The following USP34 variants were observed in gnomAD, a reference collection of about 807,000 sequenced individuals.
The protein encoded by USP34 is ubiquitin carboxyl-terminal hydrolase 34.
In USP34, 70 loss-of-function variants were observed where a neutral mutation model predicts 460.3. The observed-to-expected ratio is 0.15, with a 90% confidence interval of 0.13 to 0.19. USP34 has a LOEUF of 0.19. USP34 is among the 10% of genes least tolerant of loss of function. USP34 has a pLI of 1.00. For missense variants in USP34, 3,985 were observed against 4,236.2 expected, an observed-to-expected ratio of 0.94 and a Z score of 1.65; for synonymous variants, 1,647 against 1,405.3, an observed-to-expected ratio of 1.17 and a Z score of -3.85.
At chr2:61,326,940 C>A (rs1428533417) in intron 20 of USP34, among the ~76,000 whole-genome samples, 2 of 151,970 alleles carry the variant, frequency 1.3e-5, no homozygotes, top group African/African-American at 2.4e-5. Flanking sequence ...CATGCCTCCA[C>A]ACCCAGCTGA....
intron 49 of USP34, among the ~76,000 whole-genome samples, chr2:61,247,082 A>T (rs1282193599): frequency 6.6e-6 from 1 of 152,336 alleles, no homozygotes; most frequent in South Asian, 2.1e-4. Context: ...AGACAGAAAC[A>T]AAATAAAGAA....
intron 48 of USP34, among the ~76,000 whole-genome samples, chr2:61,255,687 T>G (rs1339202001): frequency 6.6e-6 from 1 of 152,174 alleles, no homozygotes; most frequent in Non-Finnish European, 1.5e-5. Flanking sequence ...AAATAAACAA[T>G]TCATAAGTGG....
intron 48 of USP34, among the ~76,000 whole-genome samples, chr2:61,249,202 A>G (rs1207628602): frequency 2.0e-5 from 3 of 152,196 alleles, no homozygotes; most frequent in Non-Finnish European, 4.4e-5. Flanking sequence ...GGCATTTTAC[A>G]GCTTCTCTTT....
chr2:61,442,282 T>C (rs572059815), intron 1 of USP34, among the ~76,000 whole-genome samples: 1 of 151,574 alleles, frequency 6.6e-6, no homozygotes, highest in African/African-American at 2.4e-5. Flanking sequence ...AACTTCTGTA[T>C]AGCAAAGGCA....
At chr2:61,424,842 T>A (rs1180967080) in intron 1 of USP34, among the ~76,000 whole-genome samples, 2 of 152,172 alleles carry the variant, frequency 1.3e-5, no homozygotes, top group African/African-American at 4.8e-5. Context: ...CCACTGAATT[T>A]TTTTTGAGAG....
chr2:61,423,197 T>A (rs1339092824), intron 1 of USP34, among the ~76,000 whole-genome samples: 1 of 152,232 alleles, frequency 6.6e-6, no homozygotes, highest in African/African-American at 2.4e-5. Context: ...CACTGCAACC[T>A]CTGCCTCCCA....
chr2:61,345,560 G>A (rs1385690820), intron 15 of USP34, among the ~76,000 whole-genome samples: 4 of 151,986 alleles, frequency 2.6e-5, no homozygotes, highest in Non-Finnish European at 4.4e-5. Flanking sequence ...AACACTTATC[G>A]AGCACTTATT....
chr2:61,453,733 AAAGG>A (rs1695350806), intron 1 of USP34, among the ~76,000 whole-genome samples: 2 of 150,022 alleles, frequency 1.3e-5, no homozygotes, highest in Non-Finnish European at 2.9e-5. Flanking sequence ...AAAAAAAAAA[AAAGG>A]AAGAAGAAAA....
chr2:61,222,920 C>T (rs1482640847), intron 64 of USP34, 140 bp downstream of exon 64: 1 of 788,964 alleles, frequency 1.3e-6, no homozygotes, highest in African/African-American at 1.7e-5. Context: ...TGGTCTCAAA[C>T]TCCTAGGCTC....
chr2:61,438,526 G>A (rs1336359414), intron 1 of USP34, among the ~76,000 whole-genome samples: 1 of 152,022 alleles, frequency 6.6e-6, no homozygotes, highest in Non-Finnish European at 1.5e-5. Flanking sequence ...CTTGAACCTG[G>A]GAGGCAGAGG....
In USP34 at chr2:61,311,588, C is replaced by G; in HGVS notation, c.3769G>C (p.Ala1257Pro). 1 of 1,613,072 alleles carries G rather than the reference C, an allele frequency of 6.2e-7. No individual in the cohort carries two copies. The highest frequency in any genetic ancestry group is 1.1e-5 in the South Asian group (1 of 90,736). Reference sequence around the variant, plus strand: ...CTTTGACCAAACTCCTGAAGCTGAGCTTGTTGATTTATTTGTTCTTTCTGT... The same window carrying G: ...CTTTGACCAAACTCCTGAAGCTGAGGTTGTTGATTTATTTGTTCTTTCTGT... ...NLQKEQINQQ[A>P]QLQEFGQSNR... Residue 1257 changes from alanine to proline, a missense_variant, in exon 27 of 80, where the codon GCT becomes CCT. By Grantham distance (27) the Ala-to-Pro change is conservative (BLOSUM62 -1). Coordinates refer to ENST00000398571, the MANE Select transcript of USP34 (RefSeq NM_014709.4).
Position 61,188,451 on chromosome 2 carries a change from C to A in USP34, c.10292G>T (p.Arg3431Met). The change falls in exon 80 of 80, where the codon AGG becomes ATG. Residue 3431 changes from arginine to methionine, a missense_variant. Around this residue, in one of 14 missense-constraint regions of USP34, gnomAD observed 506 missense variants for 439.0 expected, o/e 1.15. Coordinates refer to ENST00000398571, the MANE Select transcript of USP34 (RefSeq NM_014709.4). ...SSFSEDMSNI[R>M]SQHAEEQSNN... The stretch of plus-strand genomic sequence containing the variant: ...GGACTGTTCTTCTGCATGCTGTGAC[C>A]TGATATTTGACATGTCTTCTGAAAA... 6.2e-7 allele frequency: 1 copy of A among 1,614,160 alleles called. No individual in the cohort carries two copies. Among genetic ancestry groups the A allele is most frequent in the South Asian group, 1.1e-5 (1 of 91,080 alleles).
At chr2:61,465,420 A>G (rs2104115057) in intron 1 of USP34, among the ~76,000 whole-genome samples, 1 of 152,356 alleles carries the variant, frequency 6.6e-6, no homozygotes, top group Non-Finnish European at 1.5e-5. Context: ...ATAATCTGTT[A>G]CTTTTAACGA....
At chr2:61,236,445 C>T (rs945820245) in intron 53 of USP34, 56 bp from the exon 54 acceptor site, 3 of 1,302,302 alleles carry the variant, frequency 2.3e-6, no homozygotes, top group Non-Finnish European at 3.2e-6. Context: ...TTACATTTTA[C>T]CAATATTTTT....
chr2:61,392,675 A>G, intron 5 of USP34, among the ~76,000 whole-genome samples: 1 of 152,188 alleles, frequency 6.6e-6, no homozygotes, highest in East Asian at 1.9e-4. Context: ...ATAACTTTTA[A>G]AGATATAGTA....
At chr2:61,259,624 C>T (rs1234092779) in intron 44 of USP34, 87 bp downstream of exon 44, 3 of 1,204,370 alleles carry the variant, frequency 2.5e-6, no homozygotes, top group Non-Finnish European at 2.4e-6. Context: ...GAACTCAAGC[C>T]ATCCACCCAC....
intron 10 of USP34, among the ~76,000 whole-genome samples, chr2:61,357,894 A>G (rs1692153237): frequency 6.6e-6 from 1 of 152,168 alleles, no homozygotes; most frequent in Non-Finnish European, 1.5e-5. Context: ...CTCTCTTTAC[A>G]AAACAGTAAG....
intron 7 of USP34, among the ~76,000 whole-genome samples, chr2:61,379,905 A>G (rs1001323670): frequency 7.9e-5 from 12 of 152,268 alleles, no homozygotes; most frequent in African/African-American, 2.9e-4. Flanking sequence ...AAACCTAAAT[A>G]GTTTAAAAAG....
intron 44 of USP34, among the ~76,000 whole-genome samples, chr2:61,259,331 G>A (rs915936912): frequency 2.0e-5 from 3 of 151,842 alleles, no homozygotes; most frequent in Non-Finnish European, 4.4e-5. Flanking sequence ...CAGTTCAAAC[G>A]AGCTCCATTT....
Sources: gnomAD v4.1 joint callset for allele counts (sites outside exome capture counted in the v4.1 genomes callset) on GRCh38, gnomAD v4.1.1 for gene constraint, gnomAD v4.1.1 regional missense constraint, MANE v1.5 for transcripts, NCBI Gene and HGNC (gene_info 2026-07-23, HGNC 2026-07-21) for gene names.